APBA2: variants seen among roughly 807,000 people sequenced by gnomAD.
APBA2 encodes the protein amyloid beta precursor protein binding family A member 2.
Under a neutral mutation model 75.0 loss-of-function variants are expected in APBA2, and 30 were observed. The ratio of observed to expected loss-of-function variants is 0.40; its 90% CI spans 0.30 to 0.54. The LOEUF is 0.54. APBA2 is among the 20% of genes least tolerant of loss of function. The pLI is 0.49. For missense variants in APBA2, 801 were observed against 1,016.1 expected, an observed-to-expected ratio of 0.79 and a Z score of 2.88; for synonymous variants, 444 against 409.6, an observed-to-expected ratio of 1.08 and a Z score of -1.01.
At chr15:28,951,032 A>G (rs892588217) in intron 2 of APBA2, among the ~76,000 whole-genome samples, 13 of 152,126 alleles carry the variant, frequency 8.5e-5, no homozygotes, top group Admixed American at 2.0e-4. Context: ...TGAGTTCTGC[A>G]TCTGTGGATT....
chr15:28,917,592 CCT>C (rs138641810), intron 1 of APBA2, among the ~76,000 whole-genome samples: 5,035 of 152,196 alleles, frequency 0.033, 234 homozygotes, highest in African/African-American at 0.11. Context: ...CCCCATTTCC[CCT>C]GTTTCCTCAT....
At chr15:29,017,891 T>C (rs2039755960) in intron 3 of APBA2, among the ~76,000 whole-genome samples, 1 of 152,216 alleles carries the variant, frequency 6.6e-6, no homozygotes, top group African/African-American at 2.4e-5. Context: ...TTTTTGACAA[T>C]TACTTCTGTT....
chr15:28,985,543 A>G lies in APBA2; in HGVS notation c.-94-10210A>G, dbSNP rs550001265. Among the ~76,000 whole-genome samples the G allele has an allele frequency of 2.0e-3, 311 of 152,332 alleles. 4 individuals carry two copies. The highest frequency in any genetic ancestry group is 4.1e-4 in the Non-Finnish European group (28 of 68,028). On this transcript the variant is annotated intron_variant, in intron 2 of 14. Coordinates refer to ENST00000683413, the MANE Select transcript of APBA2 (RefSeq NM_001353788.2). The stretch of plus-strand genomic sequence containing the variant: ...TGATGTCTGTTGTCAGATCATGGCC[A>G]GAAAAGGGGTTGTTTCAATTAAAAT...
chr15:28,983,551 T>C lies in APBA2; in HGVS notation c.-94-12202T>C, dbSNP rs1347262664. Among the ~76,000 whole-genome samples the C allele has an allele frequency of 2.6e-5, 4 of 152,144 alleles. No individual in the cohort carries two copies. In the East Asian group the frequency reaches 7.7e-4, roughly 29 times the overall value. ...ATTTGACTTTTCTCTTCGAGGCTGG[T>C]TGTGGCATGCTGAAGCTCCCAAGGC... On this transcript the variant is annotated intron_variant, in intron 2 of 14. Coordinates refer to ENST00000683413, the MANE Select transcript of APBA2 (RefSeq NM_001353788.2).
intron 3 of APBA2, among the ~76,000 whole-genome samples, chr15:29,026,644 T>C (rs984625587): frequency 6.6e-6 from 1 of 152,186 alleles, no homozygotes; most frequent in African/African-American, 2.4e-5. Context: ...CCGGGCATGG[T>C]GGCTCACGCC....
chr15:29,064,262 T>C (rs1203488293), intron 4 of APBA2, among the ~76,000 whole-genome samples: 4 of 152,124 alleles, frequency 2.6e-5, no homozygotes, highest in Admixed American at 6.5e-5. Flanking sequence ...TTTTCCAGTT[T>C]CCACCCCGAA....
intron 3 of APBA2, among the ~76,000 whole-genome samples, chr15:28,998,684 G>A (rs750770191): frequency 6.6e-6 from 1 of 152,182 alleles, no homozygotes; most frequent in Non-Finnish European, 1.5e-5. Context: ...GGACAGGGTA[G>A]CAAGGCTAGG....
At chr15:28,955,545 A>G (rs2036120727) in intron 2 of APBA2, among the ~76,000 whole-genome samples, 1 of 152,222 alleles carries the variant, frequency 6.6e-6, no homozygotes, top group Non-Finnish European at 1.5e-5. Context: ...CTGTTCAAGA[A>G]ATGTTATTGT....
intron 1 of APBA2, among the ~76,000 whole-genome samples, chr15:28,897,575 A>G (rs1026883248): frequency 8.4e-5 from 12 of 143,144 alleles, no homozygotes; most frequent in African/African-American, 1.9e-4. Flanking sequence ...CCGAGATTGC[A>G]CCACTGCACT....
chr15:28,984,367 G>A (rs1178756966), intron 2 of APBA2, among the ~76,000 whole-genome samples: 2 of 152,056 alleles, frequency 1.3e-5, no homozygotes, highest in Admixed American at 1.3e-4. Flanking sequence ...TAGGCTTATA[G>A]GGGACTATAA....
chr15:28,932,392 C>T (rs1055675405), intron 2 of APBA2, among the ~76,000 whole-genome samples: 1 of 152,292 alleles, frequency 6.6e-6, no homozygotes, highest in South Asian at 2.1e-4. Context: ...TGGAGCACAG[C>T]CCCATGGTGT....
intron 2 of APBA2, among the ~76,000 whole-genome samples, chr15:28,930,509 T>TC (rs1354577112): frequency 2.5e-4 from 38 of 152,284 alleles, no homozygotes; most frequent in Middle Eastern, 3.4e-3. Flanking sequence ...TATAGACTCT[T>TC]TGGAGCTTCT....
At chr15:29,068,357 A>G (rs1276939672) in intron 4 of APBA2, among the ~76,000 whole-genome samples, 1 of 152,238 alleles carries the variant, frequency 6.6e-6, no homozygotes, top group Non-Finnish European at 1.5e-5. Flanking sequence ...GGTATTAGAA[A>G]GGGTTGATGA....
chr15:29,025,262 GATT>G (rs1278969985), intron 3 of APBA2, among the ~76,000 whole-genome samples: 3 of 122,174 alleles, frequency 2.5e-5, no homozygotes, highest in African/African-American at 1.4e-4. Context: ...CAAGAATTGG[GATT>G]TTTTTTTTTT....
chr15:29,025,351 C>T (rs1002276888), intron 3 of APBA2, among the ~76,000 whole-genome samples: 4 of 151,470 alleles, frequency 2.6e-5, no homozygotes, highest in Non-Finnish European at 4.4e-5. Flanking sequence ...CTGCAGTCTC[C>T]GCCACCTGGG....
intron 10 of APBA2, among the ~76,000 whole-genome samples, chr15:29,103,025 C>A (rs2044207721): frequency 1.3e-5 from 2 of 152,230 alleles, no homozygotes; most frequent in African/African-American, 4.8e-5. Flanking sequence ...AGCGCACTCA[C>A]ACATTCCTTC....
chr15:29,085,249 G>T (rs2152938201), intron 6 of APBA2, among the ~76,000 whole-genome samples: 1 of 152,138 alleles, frequency 6.6e-6, no homozygotes, highest in Non-Finnish European at 1.5e-5. Context: ...GAGTTGGCTG[G>T]GCGCAGTGGC....
chr15:28,908,696 G>C (rs1017370172), intron 1 of APBA2, among the ~76,000 whole-genome samples: 3 of 152,186 alleles, frequency 2.0e-5, no homozygotes, highest in African/African-American at 4.8e-5. Context: ...CATTCTGAGA[G>C]AATCGGCTGG....
At chr15:28,892,930 T>G (rs996157187) in intron 1 of APBA2, among the ~76,000 whole-genome samples, 2 of 152,246 alleles carry the variant, frequency 1.3e-5, no homozygotes, top group African/African-American at 4.8e-5. Context: ...GATGGATTTC[T>G]CAGGTCTCTC....
Sources: gnomAD v4.1 joint callset for allele counts (sites outside exome capture counted in the v4.1 genomes callset) on GRCh38, gnomAD v4.1.1 for gene constraint, MANE v1.5 for transcripts, NCBI Gene and HGNC (gene_info 2026-07-23, HGNC 2026-07-21) for gene names.